The following KIRREL3 variants were observed in gnomAD, a reference collection of about 807,000 sequenced individuals.
KIRREL3 encodes kin of IRRE-like protein 3.
In KIRREL3, 36 loss-of-function variants were observed where a neutral mutation model predicts 89.7. The observed-to-expected ratio is 0.40, with a 90% CI of 0.31 to 0.53. The LOEUF (loss-of-function observed/expected upper bound fraction) is 0.53, where lower values mean the gene tolerates loss of function less well. KIRREL3 is among the 20% of genes least tolerant of loss of function. The pLI is 0.49. For missense variants in KIRREL3, 864 were observed against 1,056.6 expected, an observed-to-expected ratio of 0.82 and a Z score of 2.53; for synonymous variants, 445 against 441.4, an observed-to-expected ratio of 1.01 and a Z score of -0.10.
rs1057237555 is a variant in KIRREL3, at chr11:126,463,886, A to G, written c.592-579T>C. ...CCAAAGCGTTTCACTCCCTGATCTCATTAGAGTCTCAATCAAACCATAGGT... is the reference window on the plus strand; with the variant it reads ...CCAAAGCGTTTCACTCCCTGATCTCGTTAGAGTCTCAATCAAACCATAGGT... On this transcript the variant is annotated intron_variant, in intron 5 of 16. Coordinates refer to ENST00000525144, the MANE Select transcript of KIRREL3 (RefSeq NM_032531.4). The surrounding 1 kb of genome is among the most constrained non-coding windows in gnomAD (Gnocchi z 5.9). Among the ~76,000 whole-genome samples, 1 of 152,186 alleles carries G rather than the reference A, an allele frequency of 6.6e-6. No homozygotes were observed. Among genetic ancestry groups the G allele is most frequent in the East Asian group, 1.9e-4 (1 of 5,194 alleles).
At chr11:126,448,659 C>G (rs1438847445) in intron 8 of KIRREL3, among the ~76,000 whole-genome samples, 2 of 152,144 alleles carry the variant, frequency 1.3e-5, no homozygotes, top group African/African-American at 4.8e-5. Flanking sequence ...TTCTCTCTTT[C>G]TCTCTGCCAT....
rs560346905 is a variant in KIRREL3, at chr11:126,905,162, C to T, written c.55+95293G>A. Among the ~76,000 whole-genome samples the T allele has an allele frequency of 5.9e-5, 9 of 152,104 alleles. No homozygotes were observed. The South Asian group carries it at 6.2e-4, about 11-fold the overall frequency. On this transcript the variant is annotated intron_variant, in intron 1 of 16. Transcript: ENST00000525144. This position sits in a 1 kb window ranked among gnomAD's most constrained non-coding sequence, Gnocchi z 5.0. ...CACAGCTCAGCTTGCAGAGGAGGAA[C>T]GGGGCTTGATTCCATGGCTTCCCTA...
intron 1 of KIRREL3, among the ~76,000 whole-genome samples, chr11:126,793,991 G>T (rs979636473): frequency 6.6e-6 from 1 of 152,180 alleles, no homozygotes; most frequent in Non-Finnish European, 1.5e-5. Context: ...TTCCAATGCT[G>T]GTGATAGACT....
At chr11:126,626,572 T>C (rs1289103784) in intron 1 of KIRREL3, among the ~76,000 whole-genome samples, 1 of 152,098 alleles carries the variant, frequency 6.6e-6, no homozygotes, top group African/African-American at 2.4e-5. Flanking sequence ...AGGAGAAACA[T>C]GAGTAAGGGG....
At chr11:126,923,233 TC>T (rs1314714606) in intron 1 of KIRREL3, among the ~76,000 whole-genome samples, 1 of 47,316 alleles carries the variant, frequency 2.1e-5, no homozygotes, top group Non-Finnish European at 4.5e-5. Context: ...TTCTTCTTCT[TC>T]TTCTTCTTCT....
intron 4 of KIRREL3, among the ~76,000 whole-genome samples, chr11:126,499,535 C>T (rs531850785): frequency 6.0e-4 from 91 of 152,190 alleles, no homozygotes; most frequent in Non-Finnish European, 1.0e-3. Context: ...GATGCTCCAG[C>T]GTGGCTCAAA....
In KIRREL3 at chr11:126,708,533, C is replaced by T. The variant is rs1199381914; in HGVS notation, c.56-145621G>A. Among the ~76,000 whole-genome samples, 3 of 152,178 alleles carry T rather than the reference C, an allele frequency of 2.0e-5. No homozygotes were observed. Among genetic ancestry groups the T allele is most frequent in the Non-Finnish European group, 2.9e-5 (2 of 68,024 alleles). On this transcript the variant is annotated intron_variant, in intron 1 of 16. Transcript: ENST00000525144. The surrounding 1 kb of genome is among the most constrained non-coding windows in gnomAD (Gnocchi z 5.7). ...GACCAGGAGTCATCACCATCAGTAA[C>T]AGTAACAACAGCTTCATTAACAAGT...
chr11:126,603,384 G>A (rs1034653510), intron 1 of KIRREL3, among the ~76,000 whole-genome samples: 4 of 152,346 alleles, frequency 2.6e-5, no homozygotes, highest in South Asian at 2.1e-4. Context: ...GGGGGCAGAA[G>A]CTGCCTGGGA....
intron 2 of KIRREL3, among the ~76,000 whole-genome samples, chr11:126,539,532 G>A (rs557116033): frequency 3.3e-5 from 5 of 152,318 alleles, no homozygotes; most frequent in South Asian, 2.1e-4. Flanking sequence ...TCAGGCTAAC[G>A]CTGCATCAAT....
chr11:126,432,883 G>A lies in KIRREL3; in HGVS notation c.1589-1357C>T, dbSNP rs181175451. ...CAGGAAGGGGTCACCAGCAGTTCAC[G>A]GTCTTTTATTTTTGGGATGGAGTCT... On this transcript the variant is annotated intron_variant, in intron 13 of 16. Coordinates refer to ENST00000525144, the MANE Select transcript of KIRREL3 (RefSeq NM_032531.4). The surrounding 1 kb of genome is among the most constrained non-coding windows in gnomAD (Gnocchi z 6.2). Among the ~76,000 whole-genome samples the A allele has an allele frequency of 5.9e-5, 9 of 152,174 alleles. No individual in the cohort carries two copies. Among genetic ancestry groups the A allele is most frequent in the East Asian group, 1.9e-4 (1 of 5,170 alleles).
At chr11:126,514,096 G>T (rs1424183872) in intron 4 of KIRREL3, among the ~76,000 whole-genome samples, 1 of 152,148 alleles carries the variant, frequency 6.6e-6, no homozygotes, top group African/African-American at 2.4e-5. Context: ...ACCAGGAAGG[G>T]AGCTGGGAGC....
chr11:126,907,226 C>T (rs189316665), intron 1 of KIRREL3, among the ~76,000 whole-genome samples: 2 of 152,292 alleles, frequency 1.3e-5, no homozygotes, highest in Non-Finnish European at 2.9e-5. Flanking sequence ...TGAGTGAACC[C>T]GAGCTCCAGG....
chr11:126,938,209 G>T (rs1190808501), intron 1 of KIRREL3, among the ~76,000 whole-genome samples: 1 of 152,290 alleles, frequency 6.6e-6, no homozygotes, highest in Non-Finnish European at 1.5e-5. Flanking sequence ...GAAAAACTCT[G>T]CAACCCATCA....
chr11:126,546,078 G>A (rs556593887), intron 2 of KIRREL3, among the ~76,000 whole-genome samples: 2 of 152,374 alleles, frequency 1.3e-5, no homozygotes, highest in African/African-American at 4.8e-5. Flanking sequence ...GTAAAGTAAT[G>A]ACTGTGGTGT....
chr11:126,943,512 C>A lies in KIRREL3; in HGVS notation c.55+56943G>T, dbSNP rs1395589527. Among the ~76,000 whole-genome samples, 8 of 152,186 alleles carry A rather than the reference C, an allele frequency of 5.3e-5. No individual in the cohort carries two copies. Among genetic ancestry groups the A allele is most frequent in the Non-Finnish European group, 1.2e-4 (8 of 68,024 alleles). ...AGTGTACAAGCATATTTACACAACGCCATGGAGCATGGGTGAAGGATGAGC... is the reference window on the plus strand; with the variant it reads ...AGTGTACAAGCATATTTACACAACGACATGGAGCATGGGTGAAGGATGAGC... On this transcript the variant is annotated intron_variant, in intron 1 of 16. Transcript: ENST00000525144. The surrounding 1 kb of genome is among the most constrained non-coding windows in gnomAD (Gnocchi z 4.2).
Position 126,905,937 on chromosome 11 carries a change from C to G in KIRREL3, c.55+94518G>C, listed in dbSNP as rs1376883043. The stretch of plus-strand genomic sequence containing the variant: ...GCACGGAGGAGATGAAACAGGCTGA[C>G]AGGCAGAGCCATTCTGTTTGGGGTT... On this transcript the variant is annotated intron_variant, in intron 1 of 16. Coordinates refer to ENST00000525144, the MANE Select transcript of KIRREL3 (RefSeq NM_032531.4). This position sits in a 1 kb window ranked among gnomAD's most constrained non-coding sequence, Gnocchi z 5.0. Among the ~76,000 whole-genome samples, 1 of 152,210 alleles carries G rather than the reference C, an allele frequency of 6.6e-6. No homozygotes were observed. Among genetic ancestry groups the G allele is most frequent in the Non-Finnish European group, 1.5e-5 (1 of 68,034 alleles).
At chr11:126,885,315 TA>T (rs1350884416) in intron 1 of KIRREL3, among the ~76,000 whole-genome samples, 1 of 152,202 alleles carries the variant, frequency 6.6e-6, no homozygotes, top group Non-Finnish European at 1.5e-5. Context: ...TGCCATCTTC[TA>T]CAGTGTCCAT....
At position 126,566,319 on chromosome 11, in the gene KIRREL3, T is replaced by C. The variant is rs534461105; in HGVS notation, c.56-3407A>G. ...TAGGGTATGTTTCTTAGGGAGAAGA[T>C]AAGTTTGCACCCTTGGGAACTCCTG... On this transcript the variant is annotated intron_variant, in intron 1 of 16. Transcript: ENST00000525144. This position sits in a 1 kb window ranked among gnomAD's most constrained non-coding sequence, Gnocchi z 4.9. 1.3e-5 allele frequency among the ~76,000 whole-genome samples: 2 copies of C among 152,324 alleles called. No individual in the cohort carries two copies. The highest frequency in any genetic ancestry group is 3.9e-4 in the East Asian group (2 of 5,194).
intron 8 of KIRREL3, among the ~76,000 whole-genome samples, chr11:126,447,969 G>A (rs554452638): frequency 4.9e-4 from 74 of 152,300 alleles, no homozygotes; most frequent in African/African-American, 1.7e-3. Flanking sequence ...GCCTTGCTGC[G>A]GGTCCCTGCT....
Sources: gnomAD v4.1 joint callset for allele counts (sites outside exome capture counted in the v4.1 genomes callset) on GRCh38, gnomAD v4.1.1 for gene constraint, Gnocchi (gnomAD v3.1) non-coding constraint, MANE v1.5 for transcripts, NCBI Gene and HGNC (gene_info 2026-07-23, HGNC 2026-07-21) for gene names.